MAPK8IP2: variants seen among roughly 807,000 people sequenced by gnomAD.
MAPK8IP2 encodes the protein mitogen-activated protein kinase 8 interacting protein 2.
In MAPK8IP2, 15 loss-of-function variants were observed where a neutral mutation model predicts 75.6. The observed-to-expected ratio is 0.20, with a 90% CI of 0.13 to 0.31. The LOEUF (loss-of-function observed/expected upper bound fraction) is 0.31, where lower values mean the gene tolerates loss of function less well. Among genes scored for constraint, MAPK8IP2 ranks in the 10% least tolerant of loss-of-function variants. MAPK8IP2 has a pLI of 1.00. For missense variants in MAPK8IP2, 1,089 were observed against 1,211.2 expected, an observed-to-expected ratio of 0.90 and a Z score of 1.50; for synonymous variants, 632 against 554.5, an observed-to-expected ratio of 1.14 and a Z score of -1.96.
At position 50,600,798 on chromosome 22, in the gene MAPK8IP2, C is replaced by T; in HGVS notation, c.-21C>T. 1 of 1,241,188 alleles carries T rather than the reference C, an allele frequency of 8.1e-7. No homozygotes were observed. Among genetic ancestry groups the T allele is most frequent in the Middle Eastern group, 2.8e-4 (1 of 3,520 alleles). 76.9% of individuals were successfully genotyped at this position (1,241,188 alleles called of 1,614,324 possible). ...AGGCTCCCGCACCCCCCGCCGCAGT[C>T]GCGGGCCTCTCCCGGAGAAGATGGC... On this transcript the variant is annotated 5_prime_UTR_variant, in exon 1 of 12. Coordinates refer to ENST00000329492, the MANE Select transcript of MAPK8IP2 (RefSeq NM_012324.6).
chr22:50,603,064 G>C (rs2070962731), intron 2 of MAPK8IP2, 159 bp from the exon 3 acceptor site: 1 of 1,476,276 alleles, frequency 6.8e-7, no homozygotes, highest in Non-Finnish European at 9.1e-7. Flanking sequence ...TGTGTGTTAG[G>C]CAGATTTTGA....
chr22:50,600,870 C>A lies in MAPK8IP2; in HGVS notation c.52C>A (p.Pro18Thr). 1 of 1,287,408 alleles carries A rather than the reference C, an allele frequency of 7.8e-7. No individual in the cohort carries two copies. 79.7% of individuals were successfully genotyped at this position (1,287,408 alleles called of 1,614,324 possible). The part of the protein sequence containing the change: ...FSLSTFHSLS[P>T]PGCRPPQDIS... ...TCTCTCCACCTTCCACTCGCTGTCG[C>A]CGCCGGGCTGCAGGTACCCCCCTCG... The change falls in exon 1 of 12, where the codon CCG becomes ACG. Residue 18 changes from proline to threonine, a missense_variant. Around this residue, in one of 2 missense-constraint regions of MAPK8IP2, gnomAD observed 960 missense variants for 1,009.6 expected, o/e 0.95. Coordinates refer to ENST00000329492, the MANE Select transcript of MAPK8IP2 (RefSeq NM_012324.6).
In MAPK8IP2 at chr22:50,605,951, G is replaced by T; in HGVS notation, c.2124+17G>T. 1 of 1,541,256 alleles carries T rather than the reference G, an allele frequency of 6.5e-7. No homozygotes were observed. Among genetic ancestry groups the T allele is most frequent in the Non-Finnish European group, 8.7e-7 (1 of 1,142,914 alleles). On this transcript the variant is annotated intron_variant, in intron 8 of 11. Transcript: ENST00000329492. Reference sequence around the variant, plus strand: ...ATGCAGAAGGTCAGTGTGGAGGCCGGGCAAGTGCAGGCTGAGGGTCCGCTT... The same window carrying T: ...ATGCAGAAGGTCAGTGTGGAGGCCGTGCAAGTGCAGGCTGAGGGTCCGCTT...
chr22:50,604,781 G>C lies in MAPK8IP2; in HGVS notation c.1482G>C (p.Thr494=), dbSNP rs1221927665. The C allele has an allele frequency of 6.5e-7, 1 of 1,545,904 alleles. No individual in the cohort carries two copies. The highest frequency in any genetic ancestry group is 2.0e-5 in the Admixed American group (1 of 50,852). The change falls in exon 5 of 12, where the codon ACG becomes ACC. Residue 494 remains threonine, a synonymous_variant. Coordinates refer to ENST00000329492, the MANE Select transcript of MAPK8IP2 (RefSeq NM_012324.6). The part of the protein sequence containing the change: ...DSAGSPGGRG[T]GPSAPRDASL... ...CGGGGTCCCCCGGGGGCAGGGGCAC[G>C]GGCCCCTCGGCGCCGCGGGACGCGT...
At position 50,602,780 on chromosome 22, in the gene MAPK8IP2, C is replaced by T. The variant is rs568522738; in HGVS notation, c.172-443C>T. Among the ~76,000 whole-genome samples, 403 of 152,328 alleles carry T rather than the reference C, an allele frequency of 2.6e-3. 1 individual carries two copies. Among genetic ancestry groups the T allele is most frequent in the Non-Finnish European group, 4.1e-3 (278 of 68,028 alleles). On this transcript the variant is annotated intron_variant, in intron 2 of 11. Coordinates refer to ENST00000329492, the MANE Select transcript of MAPK8IP2 (RefSeq NM_012324.6). ...CTGCATCTGTTTGATGTTTACTGAA[C>T]ATCCGCTGAGCCCCAGGTCTTGTTC... is the stretch of plus-strand genomic sequence containing the variant.
rs1207144525 is a variant in MAPK8IP2 at position 50,610,305 on chromosome 22, T to C, written c.2397T>C (p.Ser799=). 5 of 1,600,934 alleles carry C rather than the reference T, an allele frequency of 3.1e-6. No individual in the cohort carries two copies. In the Admixed American group the frequency reaches 6.9e-5, roughly 22 times the overall value. Residue 799 remains serine (S), a synonymous_variant, in exon 11 of 12, where the codon AGT becomes AGC. Coordinates refer to ENST00000329492, the MANE Select transcript of MAPK8IP2 (RefSeq NM_012324.6). This position sits in a 1 kb window ranked among gnomAD's most constrained non-coding sequence, Gnocchi z 4.3. ...AGTCCATGAGGCCGGTGGCGCAGAG[T>C]GTGGGGTGAGTGGGGCCCCAGGGTG... The part of the protein sequence containing the change: ...SQESMRPVAQ[S]VGRAFLEYYQ...
At position 50,607,088 on chromosome 22, in the gene MAPK8IP2, T is replaced by G; in HGVS notation, c.2303+97T>G. On this transcript the variant is annotated intron_variant, in intron 10 of 11. Transcript: ENST00000329492. The surrounding 1 kb of genome is among the most constrained non-coding windows in gnomAD (Gnocchi z 5.6). ...CCCCACAGACCCTGAGGGCTGCCCG[T>G]GCCCAGCCCTGAGAGCTCCACCTGC... is the stretch of plus-strand genomic sequence containing the variant. 1 of 949,258 alleles carries G rather than the reference T, an allele frequency of 1.1e-6. No individual in the cohort carries two copies. Among genetic ancestry groups the G allele is most frequent in the Non-Finnish European group, 1.7e-6 (1 of 591,252 alleles). The allele number at this position is 949,258 out of a possible 1,614,324, so 58.8% of individuals were successfully genotyped here.
chr22:50,605,497 G>C (rs537716113), intron 6 of MAPK8IP2, 54 bp downstream of exon 6: 4 of 1,609,442 alleles, frequency 2.5e-6, no homozygotes, highest in Admixed American at 3.4e-5. Flanking sequence ...CTGCCATCAC[G>C]GAACGCCAGT....
intron 5 of MAPK8IP2, 151 bp from the exon 6 acceptor site, chr22:50,605,217 G>A (rs1478112715): frequency 1.8e-6 from 2 of 1,084,042 alleles, no homozygotes; most frequent in Admixed American, 4.2e-5. Flanking sequence ...ATGGCATGAG[G>A]TGGCCTGCTC....
chr22:50,600,797 T>C lies in MAPK8IP2; in HGVS notation c.-22T>C. ...GAGGCTCCCGCACCCCCCGCCGCAG[T>C]CGCGGGCCTCTCCCGGAGAAGATGG... On this transcript the variant is annotated 5_prime_UTR_variant, in exon 1 of 12. Transcript: ENST00000329492. The C allele has an allele frequency of 8.1e-7, 1 of 1,234,872 alleles. No homozygotes were observed. The highest frequency in any genetic ancestry group is 1.0e-6 in the Non-Finnish European group (1 of 959,448). The allele number at this position is 1,234,872 out of a possible 1,614,324, so 76.5% of individuals were successfully genotyped here. A position where few individuals can be genotyped will look rare whatever the true frequency, so the allele number is the denominator to read the frequency against.
rs903072158 is a variant in MAPK8IP2 at position 50,606,548 on chromosome 22, G to A, written c.2125-110G>A. 1.8e-5 allele frequency: 14 copies of A among 787,074 alleles called. No homozygotes were observed. The African/African-American group carries it at 2.2e-4, about 12-fold the overall frequency. The allele number at this position is 787,074 out of a possible 1,614,324, so 48.8% of individuals were successfully genotyped here. ...AATTGCATCTCAGGGTCCTCAGCAT[G>A]TGTGTCCTCAAACATAAGCTAAAAG... On this transcript the variant is annotated intron_variant, in intron 8 of 11. Transcript: ENST00000329492.
At chr22:50,606,028 T>C in intron 8 of MAPK8IP2, 94 bp downstream of exon 8, 1 of 1,034,904 alleles carries the variant, frequency 9.7e-7, no homozygotes. Context: ...CTCCAAGGTC[T>C]GAGGTCTGAT....
chr22:50,604,521 C>G lies in MAPK8IP2; in HGVS notation c.1222C>G (p.Leu408Val). ...EAAAGPGGVE[L>V]VDMETLCAPP... The stretch of plus-strand genomic sequence containing the variant: ...GGCCGCGGGGCCCGGCGGCGTGGAG[C>G]TGGTGGACATGGAGACGCTGTGCGC... Residue 408 changes from leucine (L) to valine (V), a missense_variant, in exon 5 of 12, where the codon CTG becomes GTG. Transcript: ENST00000329492. The G allele has an allele frequency of 2.5e-6, 3 of 1,203,748 alleles. No homozygotes were observed. The highest frequency in any genetic ancestry group is 3.1e-6 in the Non-Finnish European group (3 of 972,894). The allele number at this position is 1,203,748 out of a possible 1,614,324, so 74.6% of individuals were successfully genotyped here.
At chr22:50,606,789 C>T in intron 9 of MAPK8IP2, 24 bp downstream of exon 9, 1 of 1,575,722 alleles carries the variant, frequency 6.3e-7, no homozygotes, top group Non-Finnish European at 8.6e-7. Flanking sequence ...GGACTGGGGA[C>T]CGGGGACTGG....
chr22:50,605,730 G>A lies in MAPK8IP2; in HGVS notation c.2010G>A (p.Leu670=). 1.2e-6 allele frequency: 2 copies of A among 1,607,682 alleles called. No homozygotes were observed. Among genetic ancestry groups the A allele is most frequent in the South Asian group, 2.2e-5 (2 of 90,462 alleles). Reference sequence around the variant, plus strand: ...CGGTGCCCGGCCCTGCCAAGGACCTGCTGGGTGAGGTCCCAACCCCGAGGG... The same window carrying A: ...CGGTGCCCGGCCCTGCCAAGGACCTACTGGGTGAGGTCCCAACCCCGAGGG... ...AHAVPGPAKD[L]LGSKRSPCWV... is the part of the protein sequence containing the mutation. Residue 670 remains leucine (L), a synonymous_variant, in exon 7 of 12, where the codon CTG becomes CTA. Transcript: ENST00000329492.
intron 2 of MAPK8IP2, among the ~76,000 whole-genome samples, chr22:50,602,347 A>G (rs1013670465): frequency 6.6e-6 from 1 of 151,912 alleles, no homozygotes; most frequent in African/African-American, 2.4e-5. Context: ...GTCTCTCCAC[A>G]TTTCTGCTTT....
chr22:50,601,762 G>A lies in MAPK8IP2; in HGVS notation c.66-27G>A, dbSNP rs753026037. On this transcript the variant is annotated intron_variant, in intron 1 of 11. Transcript: ENST00000329492. ...CCAGGCAGGGAGTCCAGGGTTGGTGGCTCTCTGACCCTGGTCTCCTTTCCA... is the reference window on the plus strand; with the variant it reads ...CCAGGCAGGGAGTCCAGGGTTGGTGACTCTCTGACCCTGGTCTCCTTTCCA... 125 of 1,575,864 alleles carry A rather than the reference G, an allele frequency of 7.9e-5. 2 individuals are homozygous for A. In the East Asian group the frequency reaches 2.7e-3, roughly 34 times the overall value.
At chr22:50,603,559 A>G in intron 3 of MAPK8IP2, 61 bp downstream of exon 3, 2 of 1,579,792 alleles carry the variant, frequency 1.3e-6, no homozygotes, top group Non-Finnish European at 1.7e-6. Context: ...CCTGGGCTGC[A>G]GCCAGCCCTG....
rs1407575622 is a variant in MAPK8IP2, at chr22:50,613,777, G to A, written c.*2998G>A. The A allele has an allele frequency of 1.3e-5, 2 of 152,258 alleles. No individual in the cohort carries two copies. The highest frequency in any genetic ancestry group is 2.9e-5 in the Non-Finnish European group (2 of 68,102). 9.4% of individuals were successfully genotyped at this position (152,258 alleles called of 1,614,324 possible). On this transcript the variant is annotated 3_prime_UTR_variant, in exon 12 of 12. Transcript: ENST00000329492. ...TCCTTGTGGGCGCTCCCGGGCCCTG[G>A]TCTCGGGCCTTCTGAGGACTTGCTC...
Sources: gnomAD v4.1 joint callset for allele counts (sites outside exome capture counted in the v4.1 genomes callset) on GRCh38, gnomAD v4.1.1 for gene constraint, gnomAD v4.1.1 regional missense constraint, Gnocchi (gnomAD v3.1) non-coding constraint, MANE v1.5 for transcripts, NCBI Gene and HGNC (gene_info 2026-07-23, HGNC 2026-07-21) for gene names.